REM1: variants seen among roughly 807,000 people sequenced by gnomAD.
The protein encoded by REM1 is RRAD and GEM like GTPase 1, also known as GTP-binding protein REM 1.
In REM1, 20 loss-of-function variants were observed where a neutral mutation model predicts 27.0. That is an observed-to-expected ratio of 0.74 (90% CI 0.52 to 1.08). The LOEUF is 1.08. Among genes scored for constraint, REM1 ranks in the 50% least tolerant of loss-of-function variants. The probability of loss-of-function intolerance (pLI) is 0.00; values close to 1 mark genes in which losing one functional copy is unlikely to be tolerated. For synonymous variants in REM1, 159 were observed against 167.9 expected (o/e 0.95, Z 0.41); for missense variants, 405 against 407.0 (o/e 1.00, Z 0.04).
intron 3 of REM1, among the ~76,000 whole-genome samples, chr20:31,479,175 C>T (rs1376348842): frequency 2.0e-5 from 3 of 152,170 alleles, no homozygotes; most frequent in African/African-American, 7.2e-5. Context: ...TAAGAGTCCT[C>T]GTCTTATGAC....
In REM1 at chr20:31,484,752, A is replaced by C; in HGVS notation, c.*322A>C. Reference sequence around the variant, plus strand: ...CCTCACAATAAACCAGACCAGAAGGATGTCCCATCTGAATGCCCAGACCTC... The same window carrying C: ...CCTCACAATAAACCAGACCAGAAGGCTGTCCCATCTGAATGCCCAGACCTC... On this transcript the variant is annotated 3_prime_UTR_variant, in exon 5 of 5. Transcript: ENST00000201979. The C allele has an allele frequency of 3.0e-6, 1 of 330,696 alleles. No individual in the cohort carries two copies. Among genetic ancestry groups the C allele is most frequent in the Non-Finnish European group, 5.5e-6 (1 of 182,148 alleles). The allele number at this position is 330,696 out of a possible 1,614,324, so 20.5% of individuals were successfully genotyped here. A position where few individuals can be genotyped will look rare whatever the true frequency, so the allele number is the denominator to read the frequency against.
chr20:31,478,888 G>T (rs904602423), intron 3 of REM1, among the ~76,000 whole-genome samples: 1 of 149,914 alleles, frequency 6.7e-6, no homozygotes, highest in Non-Finnish European at 1.5e-5. Context: ...AGGCTGGAGC[G>T]CAGTGGCGCC....
intron 3 of REM1, among the ~76,000 whole-genome samples, chr20:31,480,242 C>CAGACAG (rs1457047711): frequency 1.9e-5 from 1 of 53,790 alleles, no homozygotes; most frequent in Non-Finnish European, 3.2e-5. Flanking sequence ...CAGATACATA[C>CAGACAG]ATACACACAT....
intron 3 of REM1, among the ~76,000 whole-genome samples, chr20:31,481,323 CCA>C (rs1026343489): frequency 1.3e-5 from 2 of 152,008 alleles, no homozygotes; most frequent in African/African-American, 2.4e-5. Context: ...TACCTCACAA[CCA>C]CACACAGTCT....
rs1980519498 is a variant in REM1, at chr20:31,476,697, G to A, written c.252G>A (p.Val84=). 1 of 1,614,120 alleles carries A rather than the reference G, an allele frequency of 6.2e-7. No homozygotes were observed. Among genetic ancestry groups the A allele is most frequent in the African/African-American group, 1.3e-5 (1 of 75,020 alleles). ...CCTGGGAGGCTCTCTACCGTGTGGT[G>A]CTACTTGGAGATCCTGGAGTGGGGA... ...EGSWEALYRV[V]LLGDPGVGKT... is the part of the protein sequence containing the mutation. Residue 84 remains valine (V), a synonymous_variant, in exon 2 of 5, where the codon GTG becomes GTA. Transcript: ENST00000201979.
Position 31,484,159 on chromosome 20 carries a change from A to G in REM1, c.626A>G (p.Glu209Gly), listed in dbSNP as rs1980831268. Residue 209 changes from glutamate (E) to glycine (G), a missense_variant and splice_region_variant, in exon 5 of 5, where the codon GAG becomes GGG. Physicochemically the swap from Glu to Gly is moderately conservative, Grantham distance 98. Transcript: ENST00000201979. Reference protein sequence around the residue: ...LARCREVSVEEGRACAVVFDC... With the variant: ...LARCREVSVEGGRACAVVFDC... ...TCCTCGCCGGGCCCCGCCCCCTTAG[A>G]GGGCCGCGCCTGCGCTGTGGTGTTC... 4 of 1,574,996 alleles carry G rather than the reference A, an allele frequency of 2.5e-6. No homozygotes were observed. The highest frequency in any genetic ancestry group is 3.5e-6 in the Non-Finnish European group (4 of 1,157,486).
intron 3 of REM1, among the ~76,000 whole-genome samples, chr20:31,481,756 G>A (rs1980742176): frequency 6.6e-6 from 1 of 152,162 alleles, no homozygotes; most frequent in Admixed American, 6.5e-5. Context: ...AGTGCCCCTT[G>A]ACTGTCTCAT....
intron 3 of REM1, among the ~76,000 whole-genome samples, chr20:31,479,164 A>C (rs1225791082): frequency 6.6e-6 from 1 of 152,202 alleles, no homozygotes; most frequent in Non-Finnish European, 1.5e-5. Context: ...TTAGGACTGC[A>C]TAAGAGTCCT....
intron 3 of REM1, among the ~76,000 whole-genome samples, chr20:31,481,208 G>A (rs1313775260): frequency 6.6e-6 from 1 of 152,138 alleles, no homozygotes; most frequent in Non-Finnish European, 1.5e-5. Flanking sequence ...GGGAGGTGGA[G>A]GTTGCAGTAA....
chr20:31,482,443 G>A lies in REM1; in HGVS notation c.580G>A (p.Gly194Ser), dbSNP rs1199513536. The stretch of plus-strand genomic sequence containing the variant: ...AGACCATGTGCCCATCATCCTCGTG[G>A]GCAACAAGGCAGACTTGGCCCGCTG... ...QADHVPIILV[G>S]NKADLARCRE... The change falls in exon 4 of 5, where the codon GGC (glycine) becomes AGC (serine). Residue 194 changes from glycine (G) to serine (S), a missense_variant. Gly to Ser is a moderately conservative substitution (Grantham distance 56). Coordinates refer to ENST00000201979, the MANE Select transcript of REM1 (RefSeq NM_014012.6). 6.2e-7 allele frequency: 1 copy of A among 1,614,120 alleles called. No homozygotes were observed. The highest frequency in any genetic ancestry group is 2.2e-5 in the East Asian group (1 of 44,878).
Position 31,475,631 on chromosome 20 carries a change from C to G in REM1, c.-220+265C>G, listed in dbSNP as rs1055309231. Among the ~76,000 whole-genome samples, 58 of 152,304 alleles carry G rather than the reference C, an allele frequency of 3.8e-4. No individual in the cohort carries two copies. Among genetic ancestry groups the G allele is most frequent in the African/African-American group, 1.3e-3 (53 of 41,582 alleles). On this transcript the variant is annotated intron_variant, in intron 1 of 4. Coordinates refer to ENST00000201979, the MANE Select transcript of REM1 (RefSeq NM_014012.6). The surrounding 1 kb of genome is among the most constrained non-coding windows in gnomAD (Gnocchi z 5.0). The stretch of plus-strand genomic sequence containing the variant: ...CAGGAATGGCACAGCGTTCCCGGGC[C>G]CTGTGGTCTGCCCTCCCCGTCCCCT...
rs113010491 is a variant in REM1, at chr20:31,476,438, T to G, written c.-8T>G. Reference sequence around the variant, plus strand: ...AAGAAGGAAGAAGCAAACCCCCCCCTACCAAAGATGACACTCAACACCGAG... The same window carrying G: ...AAGAAGGAAGAAGCAAACCCCCCCCGACCAAAGATGACACTCAACACCGAG... On this transcript the variant is annotated 5_prime_UTR_variant, in exon 2 of 5. Coordinates refer to ENST00000201979, the MANE Select transcript of REM1 (RefSeq NM_014012.6). The G allele has an allele frequency of 1.3e-6, 2 of 1,536,052 alleles. No individual in the cohort carries two copies. The highest frequency in any genetic ancestry group is 3.1e-5 in the African/African-American group (2 of 64,506).
Position 31,484,612 on chromosome 20 carries a change from A to T in REM1, c.*182A>T. On this transcript the variant is annotated 3_prime_UTR_variant, in exon 5 of 5. Transcript: ENST00000201979. ...GGGGGATCCCGGGAAAGCGATGGACAGACAGACGATGGGGCCGAAGCCCCA... is the reference window on the plus strand; with the variant it reads ...GGGGGATCCCGGGAAAGCGATGGACTGACAGACGATGGGGCCGAAGCCCCA... 4 of 764,410 alleles carry T rather than the reference A, an allele frequency of 5.2e-6. No individual in the cohort carries two copies. Among genetic ancestry groups the T allele is most frequent in the Middle Eastern group, 3.9e-4 (1 of 2,550 alleles). 47.4% of individuals were successfully genotyped at this position (764,410 alleles called of 1,614,324 possible). A position where few individuals can be genotyped will look rare whatever the true frequency, so the allele number is the denominator to read the frequency against.
intron 3 of REM1, among the ~76,000 whole-genome samples, chr20:31,480,220 TAG>T: frequency 7.8e-6 from 1 of 128,394 alleles, no homozygotes; most frequent in Non-Finnish European, 1.7e-5. Context: ...GATAGATAGA[TAG>T]ATAGATAGAC....
In REM1 at chr20:31,484,812, GCCCTCCC is replaced by G; in HGVS notation, c.*383_*389del. 220 of 198,676 alleles carry G rather than the reference GCCCTCCC, an allele frequency of 1.1e-3. No homozygotes were observed. Among genetic ancestry groups the G allele is most frequent in the South Asian group, 8.1e-3 (46 of 5,674 alleles). The allele number at this position is 198,676 out of a possible 1,614,324, so 12.3% of individuals were successfully genotyped here. ...GCTCTTCCAGGCGTCTCCACCTACT[GCCCTCCC>G]ATCTACACTTGACTGTAGACTGGTC... On this transcript the variant is annotated 3_prime_UTR_variant, in exon 5 of 5. Transcript: ENST00000201979.
intron 3 of REM1, among the ~76,000 whole-genome samples, chr20:31,478,246 AG>A: frequency 6.6e-6 from 1 of 151,638 alleles, no homozygotes; most frequent in Middle Eastern, 3.4e-3. Context: ...AAAATACCTA[AG>A]GCTGAACCCC....
chr20:31,482,970 C>A (rs936598446), intron 4 of REM1, among the ~76,000 whole-genome samples: 4 of 151,794 alleles, frequency 2.6e-5, no homozygotes, highest in Admixed American at 6.6e-5. Context: ...CTTCTCTCTA[C>A]AAAAAAAATT....
intron 3 of REM1, 53 bp downstream of exon 3, chr20:31,477,963 A>T: frequency 8.8e-7 from 1 of 1,131,834 alleles, no homozygotes; most frequent in South Asian, 1.3e-5. Flanking sequence ...CTAATACTAG[A>T]CTCCTTCCTG....
intron 3 of REM1, among the ~76,000 whole-genome samples, chr20:31,480,504 G>T (rs1980695277): frequency 6.6e-6 from 1 of 151,912 alleles, no homozygotes; most frequent in South Asian, 2.1e-4. Context: ...TGTATTTTTA[G>T]TAGAGACAGG....
Sources: allele counts gnomAD v4.1 joint callset (sites outside exome capture counted in the v4.1 genomes callset), GRCh38; gene constraint gnomAD v4.1.1; non-coding constraint Gnocchi (gnomAD v3.1); transcripts MANE v1.5; gene names NCBI Gene and HGNC (gene_info 2026-07-23, HGNC 2026-07-21).